MYO16: variants seen among roughly 807,000 people sequenced by gnomAD.
The protein encoded by MYO16 is unconventional myosin-XVI.
MYO16 carries 94 observed loss-of-function variants against 205.3 expected under a neutral mutation model. That is an observed-to-expected ratio of 0.46 (90% CI 0.39 to 0.54). MYO16 has a LOEUF of 0.54. MYO16 is among the 20% of genes least tolerant of loss of function. The pLI, the probability that MYO16 is intolerant of heterozygous loss-of-function variation, is 0.00. For synonymous variants in MYO16, 988 were observed against 954.0 expected (o/e 1.04, Z -0.66); for missense variants, 2,315 against 2,387.5 (o/e 0.97, Z 0.63).
intron 33 of MYO16, among the ~76,000 whole-genome samples, chr13:109,179,019 C>T (rs1225642713): frequency 3.3e-5 from 5 of 152,190 alleles, no homozygotes; most frequent in African/African-American, 9.7e-5. Flanking sequence ...CCACCTTTTC[C>T]TCATGGAAAT....
At chr13:108,831,527 T>C (rs930223767) in intron 9 of MYO16, among the ~76,000 whole-genome samples, 14 of 152,166 alleles carry the variant, frequency 9.2e-5, no homozygotes, top group Admixed American at 2.0e-4. Context: ...ACTTTCTTTT[T>C]TCCAGACAGA....
At chr13:108,956,736 G>A (rs919357075) in intron 16 of MYO16, among the ~76,000 whole-genome samples, 12 of 152,122 alleles carry the variant, frequency 7.9e-5, no homozygotes, top group African/African-American at 2.9e-4. Context: ...ATCACAGCCT[G>A]CCTTTCGCCA....
At chr13:109,071,789 A>T (rs1237999688) in intron 27 of MYO16, among the ~76,000 whole-genome samples, 1 of 152,186 alleles carries the variant, frequency 6.6e-6, no homozygotes, top group East Asian at 1.9e-4. Flanking sequence ...GACTTTAAAG[A>T]GGAATCATCA....
At chr13:108,997,387 A>G (rs11069758) in intron 21 of MYO16, among the ~76,000 whole-genome samples, 85,729 of 101,340 alleles carry the variant, frequency 0.85, 37,523 homozygotes, top group East Asian at 0.97. Flanking sequence ...AGAGAGAGAG[A>G]GAGGGAGGGA....
intron 8 of MYO16, among the ~76,000 whole-genome samples, chr13:108,820,700 A>G (rs1875921553): frequency 6.6e-6 from 1 of 152,298 alleles, no homozygotes; most frequent in East Asian, 1.9e-4. Context: ...ATAGTGATTC[A>G]TTCAGTGTAA....
At chr13:108,498,847 C>T in the MYO16 span, among the ~76,000 whole-genome samples, 2 of 152,190 alleles carry the variant, frequency 1.3e-5, no homozygotes, top group South Asian at 4.1e-4. Context: ...ATTTGATCCT[C>T]ACAAGTGCCC....
At chr13:108,955,158 C>T (rs1441240043) in intron 16 of MYO16, among the ~76,000 whole-genome samples, 2 of 152,228 alleles carry the variant, frequency 1.3e-5, no homozygotes, top group African/African-American at 4.8e-5. Flanking sequence ...CCTTCAGGGT[C>T]ATGTTTGTCA....
chr13:108,936,958 A>C (rs957970492), intron 16 of MYO16, among the ~76,000 whole-genome samples: 2 of 152,096 alleles, frequency 1.3e-5, no homozygotes, highest in African/African-American at 4.8e-5. Context: ...CTATGTACTT[A>C]AGTGTGTTTT....
chr13:109,049,668 A>G (rs1295542155), intron 24 of MYO16, among the ~76,000 whole-genome samples: 1 of 152,034 alleles, frequency 6.6e-6, no homozygotes, highest in Non-Finnish European at 1.5e-5. Context: ...AAAATGTTGC[A>G]TTGCTTATCT....
intron 9 of MYO16, among the ~76,000 whole-genome samples, chr13:108,829,815 C>A (rs1594326160): frequency 6.6e-6 from 1 of 152,238 alleles, no homozygotes; most frequent in East Asian, 1.9e-4. Context: ...AAGGATAAGA[C>A]TCACAATAGA....
intron 34 of MYO16, among the ~76,000 whole-genome samples, chr13:109,205,656 C>G (rs1880568299): frequency 6.6e-6 from 1 of 152,082 alleles, no homozygotes; most frequent in African/African-American, 2.4e-5. Context: ...CCAGCTACTA[C>G]AGACTTCTGG....
chr13:108,698,013 G>A (rs570579997), intron 2 of MYO16, among the ~76,000 whole-genome samples: 14 of 152,252 alleles, frequency 9.2e-5, no homozygotes, highest in African/African-American at 1.9e-4. Flanking sequence ...GTGAGCCACC[G>A]TGCCCGACCT....
intron 21 of MYO16, among the ~76,000 whole-genome samples, chr13:109,007,146 T>C (rs1285891298): frequency 1.3e-5 from 2 of 152,136 alleles, no homozygotes; most frequent in Non-Finnish European, 2.9e-5. Context: ...CCCAGCACTT[T>C]GGGAGGCCAA....
At chr13:108,882,136 G>A (rs974845844) in intron 12 of MYO16, among the ~76,000 whole-genome samples, 24 of 152,122 alleles carry the variant, frequency 1.6e-4, no homozygotes, top group African/African-American at 5.6e-4. Flanking sequence ...CTGGCATGTG[G>A]TCCCATCAAC....
chr13:109,172,357 G>A (rs1029521610), intron 33 of MYO16, among the ~76,000 whole-genome samples: 4 of 152,072 alleles, frequency 2.6e-5, no homozygotes, highest in Non-Finnish European at 5.9e-5. Flanking sequence ...AAACTCCTGG[G>A]GCATCGAGTA....
chr13:108,944,664 GAAT>G (rs1256665638), intron 16 of MYO16, among the ~76,000 whole-genome samples: 2 of 152,068 alleles, frequency 1.3e-5, no homozygotes, highest in Non-Finnish European at 2.9e-5. Flanking sequence ...GATTACTAAA[GAAT>G]AATGTCTAAA....
chr13:109,124,839 C>T (rs1005780497), intron 29 of MYO16, among the ~76,000 whole-genome samples: 1 of 152,150 alleles, frequency 6.6e-6, no homozygotes, highest in Non-Finnish European at 1.5e-5. Flanking sequence ...AGTTCTTTCC[C>T]ACTGATTTAA....
At chr13:108,734,267 A>C (rs1002306624) in intron 4 of MYO16, among the ~76,000 whole-genome samples, 1 of 152,108 alleles carries the variant, frequency 6.6e-6, no homozygotes, top group Non-Finnish European at 1.5e-5. Context: ...CAGCATACTA[A>C]ATAAAGACAA....
chr13:108,871,851 C>G (rs910048501), intron 12 of MYO16, among the ~76,000 whole-genome samples: 1 of 152,202 alleles, frequency 6.6e-6, no homozygotes, highest in East Asian at 1.9e-4. Context: ...TCTTAGCTCC[C>G]TAAGACATTG....
Sources: gnomAD v4.1 joint callset for allele counts (sites outside exome capture counted in the v4.1 genomes callset) on GRCh38, gnomAD v4.1.1 for gene constraint, MANE v1.5 for transcripts, NCBI Gene and HGNC (gene_info 2026-07-23, HGNC 2026-07-21) for gene names.